Variants in GABRA4 observed in about 807,000 individuals in gnomAD.
The protein encoded by GABRA4 is gamma-aminobutyric acid type A receptor subunit alpha4.
In GABRA4, 12 loss-of-function variants were observed where a neutral mutation model predicts 49.7. The observed-to-expected ratio is 0.24, with a 90% CI of 0.15 to 0.39. The LOEUF is 0.39. Among genes scored for constraint, GABRA4 ranks in the 10% least tolerant of loss-of-function variants. The pLI, the probability that GABRA4 is intolerant of heterozygous loss-of-function variation, is 1.00. For missense variants in GABRA4, 506 were observed against 686.0 expected, an observed-to-expected ratio of 0.74 and a Z score of 2.93; for synonymous variants, 288 against 240.2, an observed-to-expected ratio of 1.20 and a Z score of -1.84.
At position 46,925,961 on chromosome 4, in the gene GABRA4, C is replaced by T. The variant is rs1014311511; in HGVS notation, c.*2264G>A. The T allele has an allele frequency of 6.6e-6, 1 of 151,416 alleles. No individual in the cohort carries two copies. Among genetic ancestry groups the T allele is most frequent in the Non-Finnish European group, 1.5e-5 (1 of 67,744 alleles). 9.4% of individuals were successfully genotyped at this position (151,416 alleles called of 1,614,324 possible). ...AATCATTTCTTTTTATCTCTTTACACTCTGTAAGATTTGTAGAAGAACACT... is the reference window on the plus strand; with the variant it reads ...AATCATTTCTTTTTATCTCTTTACATTCTGTAAGATTTGTAGAAGAACACT... On this transcript the variant is annotated 3_prime_UTR_variant, in exon 9 of 9. Coordinates refer to ENST00000264318, the MANE Select transcript of GABRA4 (RefSeq NM_000809.4).
chr4:46,989,720 A>G (rs1426675614), intron 2 of GABRA4, among the ~76,000 whole-genome samples: 1 of 152,238 alleles, frequency 6.6e-6, no homozygotes, highest in African/African-American at 2.4e-5. Flanking sequence ...TTTGTTTGAA[A>G]TGGAACACAG....
In GABRA4 at chr4:46,927,790, T is replaced by C. The variant is rs1053293076; in HGVS notation, c.*435A>G. ...CCTTTTCTTGAAGTTCCTAAGAAGA[T>C]CACCAAAGGTCACTGCATATGACAT... is the stretch of plus-strand genomic sequence containing the variant. On this transcript the variant is annotated 3_prime_UTR_variant, in exon 9 of 9. Coordinates refer to ENST00000264318, the MANE Select transcript of GABRA4 (RefSeq NM_000809.4). 6.4e-6 allele frequency: 1 copy of C among 156,236 alleles called. No individual in the cohort carries two copies. Among genetic ancestry groups the C allele is most frequent in the African/African-American group, 2.4e-5 (1 of 41,494 alleles). 9.7% of individuals were successfully genotyped at this position (156,236 alleles called of 1,614,324 possible).
intron 6 of GABRA4, among the ~76,000 whole-genome samples, chr4:46,972,281 T>A (rs1277715149): frequency 6.6e-6 from 1 of 151,642 alleles, no homozygotes; most frequent in Non-Finnish European, 1.5e-5. Flanking sequence ...GCAGTGCCAT[T>A]GATTTTATGA....
intron 8 of GABRA4, among the ~76,000 whole-genome samples, chr4:46,939,823 GA>G (rs1721731756): frequency 1.3e-5 from 2 of 151,978 alleles, no homozygotes; most frequent in South Asian, 4.2e-4. Flanking sequence ...CATTGCATGT[GA>G]AAATTGTTCT....
At chr4:46,963,386 G>T (rs1722646553) in intron 8 of GABRA4, among the ~76,000 whole-genome samples, 2 of 151,808 alleles carry the variant, frequency 1.3e-5, no homozygotes, top group African/African-American at 4.8e-5. Flanking sequence ...CCAGGGGGAA[G>T]TAATTGAATC....
intron 8 of GABRA4, among the ~76,000 whole-genome samples, chr4:46,932,657 T>A (rs2109938339): frequency 6.6e-6 from 1 of 152,302 alleles, no homozygotes; most frequent in Non-Finnish European, 1.5e-5. Context: ...CAAGTTAACA[T>A]ATTCAATTAT....
intron 2 of GABRA4, among the ~76,000 whole-genome samples, chr4:46,981,067 C>T (rs778903576): frequency 3.9e-5 from 6 of 152,054 alleles, no homozygotes; most frequent in East Asian, 1.9e-4. Flanking sequence ...CACCCTGATA[C>T]GCTGATTTAG....
Position 46,928,230 on chromosome 4 carries a change from T to C in GABRA4, c.1660A>G (p.Met554Val), listed in dbSNP as rs1721301725. ...AAACTACTATAGCAACGAAATTACA[T>C]TAGACTTTCTGATTTCTCCATAGTG... ...KDTMEKSESL[M>V] Residue 554 changes from methionine to valine, a missense_variant, in exon 9 of 9, where the codon ATG becomes GTG. Met to Val is a conservative substitution (Grantham distance 21). Coordinates refer to ENST00000264318, the MANE Select transcript of GABRA4 (RefSeq NM_000809.4). 6.2e-7 allele frequency: 1 copy of C among 1,604,806 alleles called. No individual in the cohort carries two copies. The highest frequency in any genetic ancestry group is 1.7e-5 in the Admixed American group (1 of 59,256).
In GABRA4 at chr4:46,992,928, T is replaced by C; in HGVS notation, c.105A>G (p.Gly35=). 2 of 1,607,512 alleles carry C rather than the reference T, an allele frequency of 1.2e-6. No individual in the cohort carries two copies. Among genetic ancestry groups the C allele is most frequent in the Non-Finnish European group, 8.5e-7 (1 of 1,176,410 alleles). Residue 35 remains glycine, a synonymous_variant, in exon 2 of 9, where the codon GGA becomes GGG. Coordinates refer to ENST00000264318, the MANE Select transcript of GABRA4 (RefSeq NM_000809.4). ...ACAATTTCTCCTCCTTTTGGTTCTG[T>C]CCTGGGGATTCGTTTAAACTGCAAG... is the stretch of plus-strand genomic sequence containing the variant. ...CLAVCLNESP[G]QNQKEEKLCT...
In GABRA4 at chr4:46,926,585, AAAAG is replaced by A. The variant is rs1721237108; in HGVS notation, c.*1636_*1639del. 6.6e-6 allele frequency: 1 copy of A among 151,964 alleles called. No individual in the cohort carries two copies. Among genetic ancestry groups the A allele is most frequent in the African/African-American group, 2.4e-5 (1 of 41,424 alleles). 9.4% of individuals were successfully genotyped at this position (151,964 alleles called of 1,614,324 possible). On this transcript the variant is annotated 3_prime_UTR_variant, in exon 9 of 9. Transcript: ENST00000264318. Reference sequence around the variant, plus strand: ...CTATCACTTCTTTTCTATAAAAACAAAAAGAGAGAGAGAGATTTTGTCTGCAAGG... The same window carrying A: ...CTATCACTTCTTTTCTATAAAAACAAAGAGAGAGAGATTTTGTCTGCAAGG...
chr4:46,956,751 C>G (rs1722381704), intron 8 of GABRA4, among the ~76,000 whole-genome samples: 1 of 151,968 alleles, frequency 6.6e-6, no homozygotes, highest in African/African-American at 2.4e-5. Context: ...CCATCAAAGA[C>G]TCACTTTTTG....
chr4:46,962,631 A>G (rs1912961), intron 8 of GABRA4, among the ~76,000 whole-genome samples: 56,386 of 151,696 alleles, frequency 0.37, 10,993 homozygotes, highest in East Asian at 0.59. Context: ...TGGAACCACA[A>G]AAGACCCAGA....
Position 46,979,113 on chromosome 4 carries a change from G to A in GABRA4, c.206-15C>T. On this transcript the variant is annotated splice_polypyrimidine_tract_variant and intron_variant, in intron 2 of 8. Coordinates refer to ENST00000264318, the MANE Select transcript of GABRA4 (RefSeq NM_000809.4). Reference sequence around the variant, plus strand: ...TGTAACAGGACCTAACGGGTATGAAGTAAATAAGTGTGAAAAAATAATTAC... The same window carrying A: ...TGTAACAGGACCTAACGGGTATGAAATAAATAAGTGTGAAAAAATAATTAC... 1 of 1,539,956 alleles carries A rather than the reference G, an allele frequency of 6.5e-7. No individual in the cohort carries two copies. The highest frequency in any genetic ancestry group is 1.7e-5 in the Admixed American group (1 of 58,934).
At chr4:46,951,746 G>T (rs529067436) in intron 8 of GABRA4, among the ~76,000 whole-genome samples, 47 of 151,356 alleles carry the variant, frequency 3.1e-4, no homozygotes, top group African/African-American at 9.4e-4. Context: ...ATATATGTGT[G>T]TGTGTGTATA....
Position 46,928,729 on chromosome 4 carries a change from T to C in GABRA4, c.1161A>G (p.Arg387=). Residue 387 remains arginine (R), a synonymous_variant, in exon 9 of 9, where the codon AGA becomes AGG. Coordinates refer to ENST00000264318, the MANE Select transcript of GABRA4 (RefSeq NM_000809.4). ...AGTGAACCAAAGCATTTGTTCTTTT[T>C]CTCATGTTCAAATTGGCATTTGTAT... ...LQNTNANLNM[R]KRTNALVHSE... is the part of the protein sequence containing the mutation. 3 of 1,611,326 alleles carry C rather than the reference T, an allele frequency of 1.9e-6. No individual in the cohort carries two copies. The highest frequency in any genetic ancestry group is 1.7e-6 in the Non-Finnish European group (2 of 1,178,254).
At chr4:46,981,204 T>C (rs145687280) in intron 2 of GABRA4, among the ~76,000 whole-genome samples, 2 of 152,214 alleles carry the variant, frequency 1.3e-5, no homozygotes, top group South Asian at 2.1e-4. Context: ...CCATGTGCTA[T>C]AAAATATTAA....
At chr4:46,992,795 A>G (rs775946988) in intron 2 of GABRA4, 33 bp downstream of exon 2, 7 of 1,447,270 alleles carry the variant, frequency 4.8e-6, no homozygotes, top group Non-Finnish European at 5.8e-6. Context: ...AGGGACAGAC[A>G]GGACACACTT....
At position 46,964,890 on chromosome 4, in the gene GABRA4, G is replaced by A. The variant is rs371582923; in HGVS notation, c.1134+80C>T. 79 of 1,416,670 alleles carry A rather than the reference G, an allele frequency of 5.6e-5. No individual in the cohort carries two copies. The South Asian group carries it at 1.1e-3, about 19-fold the overall frequency. The allele number at this position is 1,416,670 out of a possible 1,614,324, so 87.8% of individuals were successfully genotyped here. A position where few individuals can be genotyped will look rare whatever the true frequency, so the allele number is the denominator to read the frequency against. ...TACAAGTTGATATCAGGATTTTTAA[G>A]TTCTCAGTTTGTTTCCCTGACAAAA... On this transcript the variant is annotated intron_variant, in intron 8 of 8. Coordinates refer to ENST00000264318, the MANE Select transcript of GABRA4 (RefSeq NM_000809.4).
intron 8 of GABRA4, among the ~76,000 whole-genome samples, chr4:46,953,329 C>T (rs527326813): frequency 3.3e-5 from 5 of 152,002 alleles, no homozygotes; most frequent in South Asian, 2.1e-4. Context: ...AGTGTCTGTT[C>T]CTCTGGATTA....
Sources: gnomAD v4.1 joint callset for allele counts (sites outside exome capture counted in the v4.1 genomes callset) on GRCh38, gnomAD v4.1.1 for gene constraint, MANE v1.5 for transcripts, NCBI Gene and HGNC (gene_info 2026-07-23, HGNC 2026-07-21) for gene names.